Variants in TRIM2 observed in about 807,000 individuals in gnomAD.
TRIM2 encodes the protein tripartite motif-containing protein 2.
Under a neutral mutation model 75.2 loss-of-function variants are expected in TRIM2, and 20 were observed. That is an observed-to-expected ratio of 0.27 (90% CI 0.19 to 0.39). The LOEUF (loss-of-function observed/expected upper bound fraction) is 0.39. Ranked by LOEUF, TRIM2 falls within the 10% of genes least tolerant of loss-of-function variation. TRIM2 has a pLI of 1.00. For synonymous variants in TRIM2, 373 were observed against 388.3 expected (o/e 0.96, Z 0.46); for missense variants, 660 against 990.8 (o/e 0.67, Z 4.48).
chr4:153,205,674 T>G (rs778092803), intron 1 of TRIM2, among the ~76,000 whole-genome samples: 8 of 152,196 alleles, frequency 5.3e-5, no homozygotes, highest in Non-Finnish European at 1.0e-4. Flanking sequence ...AGGTGAACCA[T>G]GGGACTTTAA....
chr4:153,315,662 T>G, intron 7 of TRIM2, 74 bp downstream of exon 7: 2 of 1,446,726 alleles, frequency 1.4e-6, no homozygotes, highest in Non-Finnish European at 1.9e-6. Flanking sequence ...ATTCCTACTT[T>G]AGACTTCAGA....
chr4:153,240,595 C>T (rs1183336351), intron 1 of TRIM2, among the ~76,000 whole-genome samples: 1 of 152,156 alleles, frequency 6.6e-6, no homozygotes, highest in Non-Finnish European at 1.5e-5. Context: ...TTCTAGGGCT[C>T]TCCAGATTTT....
At chr4:153,333,205 A>T (rs1454233162) in intron 11 of TRIM2, among the ~76,000 whole-genome samples, 2 of 152,220 alleles carry the variant, frequency 1.3e-5, no homozygotes, top group African/African-American at 4.8e-5. Flanking sequence ...GCTGAGTGAA[A>T]AAAAGCCATT....
chr4:153,237,324 C>A (rs1349853428), intron 1 of TRIM2, among the ~76,000 whole-genome samples: 1 of 151,956 alleles, frequency 6.6e-6, no homozygotes, highest in Non-Finnish European at 1.5e-5. Context: ...AATTTTAGTA[C>A]TAATATACCT....
rs1772426686 is a variant in TRIM2 at position 153,336,207 on chromosome 4, C to A, written c.*1241C>A. ...GCACTCTGAAAGACAGAAGCTTCGT[C>A]CAGCCACTCTTCAGCACATTCCTTT... On this transcript the variant is annotated 3_prime_UTR_variant, in exon 12 of 12. Transcript: ENST00000338700. 9 of 985,372 alleles carry A rather than the reference C, an allele frequency of 9.1e-6. No homozygotes were observed. Among genetic ancestry groups the A allele is most frequent in the Non-Finnish European group, 1.1e-5 (9 of 829,866 alleles). The allele number at this position is 985,372 out of a possible 1,614,324, so 61.0% of individuals were successfully genotyped here.
intron 1 of TRIM2, among the ~76,000 whole-genome samples, chr4:153,269,906 C>T (rs1025672478): frequency 6.6e-6 from 1 of 151,938 alleles, no homozygotes; most frequent in Non-Finnish European, 1.5e-5. Context: ...TTGACTTCTA[C>T]CTTTATTTAT....
intron 1 of TRIM2, among the ~76,000 whole-genome samples, chr4:153,240,789 G>A (rs1201362309): frequency 6.6e-6 from 1 of 152,070 alleles, no homozygotes; most frequent in Non-Finnish European, 1.5e-5. Flanking sequence ...TATTAAAATC[G>A]TTTCCCTGGC....
intron 1 of TRIM2, among the ~76,000 whole-genome samples, chr4:153,179,257 C>A (rs1731793465): frequency 1.3e-5 from 2 of 148,306 alleles, no homozygotes; most frequent in African/African-American, 2.5e-5. Flanking sequence ...AAGTAAATAC[C>A]TACTTAATAA....
intron 7 of TRIM2, 44 bp from the exon 8 acceptor site, chr4:153,315,788 G>A: frequency 6.2e-7 from 1 of 1,608,262 alleles, no homozygotes; most frequent in South Asian, 1.1e-5. Flanking sequence ...CCTCAGCAAT[G>A]CCTGTACTAG....
At chr4:153,220,518 A>G (rs1311078635) in intron 1 of TRIM2, among the ~76,000 whole-genome samples, 1 of 152,198 alleles carries the variant, frequency 6.6e-6, no homozygotes, top group Non-Finnish European at 1.5e-5. Flanking sequence ...TTTTCAAAGC[A>G]CACATCTGAT....
chr4:153,230,040 G>T (rs1051344324), intron 1 of TRIM2, among the ~76,000 whole-genome samples: 7 of 152,320 alleles, frequency 4.6e-5, no homozygotes, highest in South Asian at 4.1e-4. Context: ...GCTAACCTGA[G>T]AGAAGAAGGC....
At chr4:153,324,225 T>A in intron 10 of TRIM2, 77 bp downstream of exon 10, 1 of 1,246,224 alleles carries the variant, frequency 8.0e-7, no homozygotes, top group South Asian at 1.3e-5. Context: ...AATAATGCAA[T>A]ACTTACATAT....
At chr4:153,316,791 C>A (rs1461340576) in intron 8 of TRIM2, among the ~76,000 whole-genome samples, 1 of 151,616 alleles carries the variant, frequency 6.6e-6, no homozygotes, top group East Asian at 1.9e-4. Flanking sequence ...ATTGTATCAG[C>A]CCGCCCATTT....
chr4:153,336,371 C>CAA lies in TRIM2; in HGVS notation c.*1406_*1407insAA, dbSNP rs1264349048. On this transcript the variant is annotated 3_prime_UTR_variant, in exon 12 of 12. Coordinates refer to ENST00000338700, the MANE Select transcript of TRIM2 (RefSeq NM_015271.5). ...TCAAAAAAAAAAACAAAAAAAAAACCACACACACACATAAAAAACCCAACA... is the reference window on the plus strand; with the variant it reads ...TCAAAAAAAAAAACAAAAAAAAAACCAAACACACACACATAAAAAACCCAACA... The CAA allele has an allele frequency of 1.0e-5, 10 of 974,574 alleles. No homozygotes were observed. The African/African-American group carries it at 1.6e-4, about 16-fold the overall frequency. The allele number at this position is 974,574 out of a possible 1,614,324, so 60.4% of individuals were successfully genotyped here.
At chr4:153,209,975 T>C (rs1014806679) in intron 1 of TRIM2, among the ~76,000 whole-genome samples, 2 of 151,966 alleles carry the variant, frequency 1.3e-5, no homozygotes, top group Non-Finnish European at 2.9e-5. Context: ...TCATGCACCA[T>C]AAACAGCATT....
At chr4:153,176,973 A>G (rs1731501382) in intron 1 of TRIM2, among the ~76,000 whole-genome samples, 1 of 152,240 alleles carries the variant, frequency 6.6e-6, no homozygotes, top group Middle Eastern at 3.2e-3. Flanking sequence ...CCATGAAAAT[A>G]GCTTAATCAA....
At chr4:153,166,684 G>A (rs994367135) in intron 1 of TRIM2, among the ~76,000 whole-genome samples, 26 of 152,050 alleles carry the variant, frequency 1.7e-4, no homozygotes, top group African/African-American at 5.3e-4. Flanking sequence ...TAGTAGGTGG[G>A]ACTACAGAGG....
intron 3 of TRIM2, among the ~76,000 whole-genome samples, chr4:153,276,428 G>C (rs929725794): frequency 6.6e-6 from 1 of 152,046 alleles, no homozygotes; most frequent in African/African-American, 2.4e-5. Context: ...TAAATTTATG[G>C]ATACGGATTT....
At chr4:153,204,600 G>T in intron 1 of TRIM2, 40 bp downstream of exon 1, 1 of 1,551,564 alleles carries the variant, frequency 6.4e-7, no homozygotes, top group Non-Finnish European at 8.7e-7. Flanking sequence ...CTTTTTCTGG[G>T]CCAGCTGGTT....
Sources: allele counts gnomAD v4.1 joint callset (sites outside exome capture counted in the v4.1 genomes callset), GRCh38; gene constraint gnomAD v4.1.1; transcripts MANE v1.5; gene names NCBI Gene and HGNC (gene_info 2026-07-23, HGNC 2026-07-21).